Variants in CHCHD3 observed in about 807,000 individuals in gnomAD.
CHCHD3 encodes MICOS complex subunit MIC19.
In CHCHD3, 20 loss-of-function variants were observed where a neutral mutation model predicts 38.2. The observed-to-expected ratio is 0.52, with a 90% CI of 0.37 to 0.76. CHCHD3 has a LOEUF of 0.76. Ranked by LOEUF, CHCHD3 falls within the 30% of genes least tolerant of loss-of-function variation. The probability of loss-of-function intolerance (pLI) is 0.00; values close to 1 mark genes in which losing one functional copy is unlikely to be tolerated. For synonymous variants in CHCHD3, 82 were observed against 100.0 expected (o/e 0.82, Z 1.07); for missense variants, 245 against 279.2 (o/e 0.88, Z 0.87).
chr7:132,950,486 A>T (rs183224582), intron 4 of CHCHD3, among the ~76,000 whole-genome samples: 56 of 152,286 alleles, frequency 3.7e-4, no homozygotes, highest in Admixed American at 3.0e-3. Flanking sequence ...TACCTTACAA[A>T]ACATTTGTCA....
chr7:133,034,939 A>G, intron 2 of CHCHD3: 2 of 1,603,920 alleles, frequency 1.2e-6, no homozygotes, highest in Non-Finnish European at 1.7e-6. Flanking sequence ...TCTTCAGGGA[A>G]GCGATACTCT....
At chr7:132,926,618 G>C (rs12707061) in intron 4 of CHCHD3, among the ~76,000 whole-genome samples, 1 of 151,852 alleles carries the variant, frequency 6.6e-6, no homozygotes, top group Admixed American at 6.6e-5. Flanking sequence ...TCATCCCCTG[G>C]TATCTGCAGA....
intron 4 of CHCHD3, among the ~76,000 whole-genome samples, chr7:132,965,657 T>C (rs1183985043): frequency 6.6e-6 from 1 of 152,178 alleles, no homozygotes; most frequent in Non-Finnish European, 1.5e-5. Flanking sequence ...GGATTTAAAA[T>C]ATGTGCATAC....
chr7:133,032,626 C>G (rs1331730228), intron 2 of CHCHD3, among the ~76,000 whole-genome samples: 1 of 152,160 alleles, frequency 6.6e-6, no homozygotes, highest in Non-Finnish European at 1.5e-5. Flanking sequence ...AAGAAAACAT[C>G]AATACTGGGC....
rs1209550087 is a variant in CHCHD3, at chr7:132,926,445, T to C, written c.370-40700A>G. 2.0e-5 allele frequency among the ~76,000 whole-genome samples: 3 copies of C among 152,308 alleles called. No homozygotes were observed. In the East Asian group the frequency reaches 5.8e-4, roughly 29 times the overall value. ...TATAGATCCTGGAGCTGCTGGTTTA[T>C]ATCTGATGGCTGAGATCTGATGGCC... On this transcript the variant is annotated intron_variant, in intron 4 of 7. Transcript: ENST00000262570.
At chr7:132,835,936 A>G (rs1807768931) in intron 6 of CHCHD3, among the ~76,000 whole-genome samples, 1 of 152,238 alleles carries the variant, frequency 6.6e-6, no homozygotes, top group Non-Finnish European at 1.5e-5. Flanking sequence ...CAGGGAGCAG[A>G]TGGCCATCTA....
intron 5 of CHCHD3, among the ~76,000 whole-genome samples, chr7:132,875,997 T>C (rs1280704662): frequency 6.6e-6 from 1 of 152,236 alleles, no homozygotes; most frequent in Non-Finnish European, 1.5e-5. Flanking sequence ...AACGTAATCC[T>C]TACAGACGCA....
At chr7:132,838,643 A>G (rs1270333405) in intron 5 of CHCHD3, among the ~76,000 whole-genome samples, 174 bp from the exon 6 acceptor site, 2 of 152,272 alleles carry the variant, frequency 1.3e-5, no homozygotes, top group African/African-American at 4.8e-5. Context: ...ACTCGTTTAA[A>G]TAACAGTAGA....
At chr7:132,934,581 G>A (rs1422201688) in intron 4 of CHCHD3, among the ~76,000 whole-genome samples, 2 of 152,272 alleles carry the variant, frequency 1.3e-5, no homozygotes, top group Non-Finnish European at 2.9e-5. Flanking sequence ...CACTCCAAGA[G>A]AGCAGCGGCC....
chr7:132,856,548 G>C (rs551764263), intron 5 of CHCHD3, among the ~76,000 whole-genome samples: 1 of 152,320 alleles, frequency 6.6e-6, no homozygotes, highest in Non-Finnish European at 1.5e-5. Context: ...GCAAAGAAAA[G>C]TCTGCAATAA....
intron 2 of CHCHD3, among the ~76,000 whole-genome samples, chr7:133,030,616 T>A (rs542037677): frequency 6.6e-6 from 1 of 152,356 alleles, no homozygotes; most frequent in South Asian, 2.1e-4. Context: ...GTAAGTATGG[T>A]TCCATGGCTT....
chr7:132,797,980 A>C (rs963606300), intron 6 of CHCHD3, among the ~76,000 whole-genome samples: 6 of 152,158 alleles, frequency 3.9e-5, no homozygotes, highest in Non-Finnish European at 8.8e-5. Context: ...TAAATTTGTT[A>C]TTTCCATAGT....
At chr7:132,954,860 C>T (rs529126965) in intron 4 of CHCHD3, among the ~76,000 whole-genome samples, 1 of 152,136 alleles carries the variant, frequency 6.6e-6, no homozygotes, top group Non-Finnish European at 1.5e-5. Flanking sequence ...TGGTCCTACT[C>T]AGATAAAGCA....
intron 3 of CHCHD3, among the ~76,000 whole-genome samples, chr7:132,976,877 T>G (rs1421303): frequency 0.45 from 67,585 of 151,834 alleles, 15,305 homozygotes; most frequent in East Asian, 0.55. Context: ...GTGAGATATA[T>G]TCCAAAGTTA....
At chr7:132,953,402 T>A (rs945559533) in intron 4 of CHCHD3, among the ~76,000 whole-genome samples, 35 of 152,114 alleles carry the variant, frequency 2.3e-4, no homozygotes, top group African/African-American at 8.5e-4. Flanking sequence ...CTGAGGGACA[T>A]CCTGACTTCA....
chr7:133,034,934 A>C, intron 2 of CHCHD3: 2 of 1,604,338 alleles, frequency 1.2e-6, no homozygotes, highest in African/African-American at 2.7e-5. Flanking sequence ...TGAGTTCTTC[A>C]GGGAAGCGAT....
At position 132,898,084 on chromosome 7, in the gene CHCHD3, C is replaced by T. The variant is rs141144555; in HGVS notation, c.370-12339G>A. ...TTCCTCCCGGTGGGCTCGTGGTCTC[C>T]CTGGCTTCAGGAGTGAAGCTGCAGA... is the stretch of plus-strand genomic sequence containing the variant. On this transcript the variant is annotated intron_variant, in intron 4 of 7. Transcript: ENST00000262570. Among the ~76,000 whole-genome samples the T allele has an allele frequency of 1.8e-3, 278 of 151,746 alleles. 10 individuals are homozygous for T. In the East Asian group the frequency reaches 0.04, roughly 22 times the overall value.
At chr7:132,952,691 G>A (rs1811060880) in intron 4 of CHCHD3, among the ~76,000 whole-genome samples, 1 of 152,216 alleles carries the variant, frequency 6.6e-6, no homozygotes, top group Admixed American at 6.5e-5. Context: ...AAGTGTTATA[G>A]TATTGTAGGC....
intron 4 of CHCHD3, among the ~76,000 whole-genome samples, chr7:132,899,421 G>C (rs1809607087): frequency 6.6e-6 from 1 of 152,198 alleles, no homozygotes; most frequent in South Asian, 2.1e-4. Flanking sequence ...CACACCCTTT[G>C]AGGCAGGTTC....
Sources: gnomAD v4.1 joint callset for allele counts (sites outside exome capture counted in the v4.1 genomes callset) on GRCh38, gnomAD v4.1.1 for gene constraint, MANE v1.5 for transcripts, NCBI Gene and HGNC (gene_info 2026-07-23, HGNC 2026-07-21) for gene names.